The following CDH13 variants were observed in gnomAD, a reference collection of about 807,000 sequenced individuals.
CDH13 encodes the protein cadherin-13.
CDH13 carries 24 observed loss-of-function variants against 63.8 expected under a neutral mutation model. The observed-to-expected ratio is 0.38, with a 90% confidence interval of 0.27 to 0.53. The LOEUF is 0.53. CDH13 is among the 20% of genes least tolerant of loss of function. The probability of loss-of-function intolerance (pLI) is 0.85; values close to 1 mark genes in which losing one functional copy is unlikely to be tolerated. For synonymous variants in CDH13, 503 were observed against 355.3 expected, an observed-to-expected ratio of 1.42 and a Z score of -4.67; for missense variants, 1,049 against 903.1, an observed-to-expected ratio of 1.16 and a Z score of -2.07.
chr16:83,737,478 TAAGA>T (rs1035108561), intron 10 of CDH13, among the ~76,000 whole-genome samples: 8 of 152,232 alleles, frequency 5.3e-5, no homozygotes, highest in Non-Finnish European at 4.4e-5. Context: ...AATATAATTT[TAAGA>T]AAGCTTTATA....
chr16:83,736,160 A>T (rs936736608), intron 10 of CDH13, among the ~76,000 whole-genome samples: 2 of 152,194 alleles, frequency 1.3e-5, no homozygotes, highest in African/African-American at 4.8e-5. Flanking sequence ...TTGATCAGTC[A>T]TTAATAATGA....
At chr16:82,750,284 G>A (rs1277872294) in intron 1 of CDH13, among the ~76,000 whole-genome samples, 1 of 152,096 alleles carries the variant, frequency 6.6e-6, no homozygotes, top group Non-Finnish European at 1.5e-5. Context: ...GACTAAATGG[G>A]TGGAAATTTC....
chr16:83,403,174 C>A (rs2091993020), intron 6 of CDH13, among the ~76,000 whole-genome samples: 1 of 152,052 alleles, frequency 6.6e-6, no homozygotes, highest in South Asian at 2.1e-4. Context: ...AGCTAAGGTA[C>A]ACTATATGAG....
chr16:83,264,802 C>T (rs1271415927), intron 5 of CDH13, among the ~76,000 whole-genome samples: 1 of 151,690 alleles, frequency 6.6e-6, no homozygotes, highest in Non-Finnish European at 1.5e-5. Flanking sequence ...ATTATACTAT[C>T]ATCATACTAT....
chr16:83,014,766 ATATATATATG>A (rs1458823484), intron 2 of CDH13, among the ~76,000 whole-genome samples: 9 of 51,446 alleles, frequency 1.7e-4, no homozygotes, highest in Non-Finnish European at 2.3e-4. Flanking sequence ...ATATATATAT[ATATATATATG>A]TATATATATA....
chr16:83,297,157 C>A (rs551940992), intron 5 of CDH13, among the ~76,000 whole-genome samples: 1 of 152,150 alleles, frequency 6.6e-6, no homozygotes, highest in South Asian at 2.1e-4. Context: ...CTCTGGTGTT[C>A]TATTGCATAA....
chr16:83,675,886 T>C (rs1162816711), intron 9 of CDH13, among the ~76,000 whole-genome samples: 1 of 152,202 alleles, frequency 6.6e-6, no homozygotes, highest in East Asian at 1.9e-4. Flanking sequence ...AGCACAAGAA[T>C]TACAGTCAAT....
chr16:83,334,190 C>T (rs1314024284), intron 5 of CDH13, among the ~76,000 whole-genome samples: 1 of 152,094 alleles, frequency 6.6e-6, no homozygotes, highest in Non-Finnish European at 1.5e-5. Flanking sequence ...CTTAACGACT[C>T]ATGATTATAT....
chr16:82,810,387 A>G (rs1352736150), intron 1 of CDH13, among the ~76,000 whole-genome samples: 1 of 152,166 alleles, frequency 6.6e-6, no homozygotes, highest in Non-Finnish European at 1.5e-5. Flanking sequence ...AGGTACAGCT[A>G]CCAGAAAAGC....
At chr16:83,164,168 GGTTA>G (rs1359966572) in intron 4 of CDH13, among the ~76,000 whole-genome samples, 6 of 151,768 alleles carry the variant, frequency 4.0e-5, no homozygotes, top group Non-Finnish European at 5.9e-5. Flanking sequence ...CAGCTTCAGT[GGTTA>G]GTTCTTTACA....
At chr16:83,559,084 T>G (rs1338620536) in intron 7 of CDH13, among the ~76,000 whole-genome samples, 1 of 152,120 alleles carries the variant, frequency 6.6e-6, no homozygotes, top group Non-Finnish European at 1.5e-5. Flanking sequence ...TTTTAAACAC[T>G]GCTATCATGT....
At chr16:83,572,053 A>G (rs1340922401) in intron 7 of CDH13, among the ~76,000 whole-genome samples, 3 of 152,202 alleles carry the variant, frequency 2.0e-5, no homozygotes, top group Non-Finnish European at 4.4e-5. Context: ...TCAAATAGGG[A>G]TAACTTCCAG....
chr16:83,468,367 G>T (rs575410343), intron 6 of CDH13, among the ~76,000 whole-genome samples: 1 of 152,306 alleles, frequency 6.6e-6, no homozygotes, highest in Admixed American at 6.5e-5. Flanking sequence ...TACCAAAGCT[G>T]CATATGGTAA....
intron 2 of CDH13, among the ~76,000 whole-genome samples, chr16:82,912,720 G>A (rs1015974458): frequency 5.3e-5 from 8 of 152,152 alleles, no homozygotes; most frequent in African/African-American, 1.9e-4. Context: ...GAGGTGGGCG[G>A]ATCACGAGGT....
intron 2 of CDH13, among the ~76,000 whole-genome samples, chr16:83,000,675 G>A (rs1160761825): frequency 6.6e-6 from 1 of 150,376 alleles, no homozygotes; most frequent in Non-Finnish European, 1.5e-5. Context: ...CGCCTCCTGG[G>A]TTCACGCCAT....
chr16:82,728,768 C>G (rs553232553), intron 1 of CDH13, among the ~76,000 whole-genome samples: 293 of 152,268 alleles, frequency 1.9e-3, no homozygotes, highest in African/African-American at 6.8e-3. Context: ...CAAAAACTTT[C>G]TGTAAAAATT....
intron 1 of CDH13, among the ~76,000 whole-genome samples, chr16:82,808,492 A>C (rs2037271575): frequency 6.6e-6 from 1 of 152,232 alleles, no homozygotes; most frequent in Admixed American, 6.5e-5. Flanking sequence ...AAGGACTGAC[A>C]GGAAGGAGAG....
chr16:83,474,213 A>G (rs1006261345), intron 6 of CDH13, among the ~76,000 whole-genome samples: 23 of 152,184 alleles, frequency 1.5e-4, no homozygotes, highest in African/African-American at 5.3e-4. Flanking sequence ...GAATTACTGC[A>G]AAGGTCTCCT....
intron 1 of CDH13, among the ~76,000 whole-genome samples, chr16:82,640,467 G>A (rs1474519461): frequency 6.6e-6 from 1 of 152,056 alleles, no homozygotes; most frequent in African/African-American, 2.4e-5. Flanking sequence ...GTAAATAGCT[G>A]GTTTCTCTTG....
Sources: allele counts gnomAD v4.1 joint callset (sites outside exome capture counted in the v4.1 genomes callset), GRCh38; gene constraint gnomAD v4.1.1; transcripts MANE v1.5; gene names NCBI Gene and HGNC (gene_info 2026-07-23, HGNC 2026-07-21).